APOOL: variants seen among roughly 807,000 people sequenced by gnomAD.
The protein encoded by APOOL is MICOS complex subunit MIC27.
A neutral mutation model predicts 23.1 loss-of-function variants in APOOL; 12 were observed. The observed-to-expected ratio is 0.52, with a 90% CI of 0.33 to 0.84. The LOEUF is 0.84. Among genes scored for constraint, APOOL ranks in the 40% least tolerant of loss-of-function variants. APOOL has a pLI of 0.02. For synonymous variants in APOOL, 77 were observed against 69.9 expected (o/e 1.10, Z -0.51); for missense variants, 212 against 199.6 (o/e 1.06, Z -0.37).
chrX:85,066,083 C>T (rs936857538), intron 5 of APOOL, among the ~76,000 whole-genome samples: 1 of 111,104 alleles, frequency 9.0e-6, no homozygotes. Flanking sequence ...TGCAAATTTG[C>T]CTGCAAACAT....
intron 5 of APOOL, among the ~76,000 whole-genome samples, chrX:85,060,192 A>G (rs1321131597): frequency 1.9e-5 from 2 of 105,160 alleles, no homozygotes; most frequent in Admixed American, 2.1e-4. Flanking sequence ...AGTTGTAGAT[A>G]TGTGGCATTA....
At chrX:85,043,279 C>T (rs1390168412) in intron 1 of APOOL, among the ~76,000 whole-genome samples, 2 of 111,337 alleles carry the variant, frequency 1.8e-5, no homozygotes, top group Non-Finnish European at 3.8e-5. Context: ...CGTGAAAACT[C>T]GATTATCTCT....
At chrX:85,016,600 T>C in intron 1 of APOOL, among the ~76,000 whole-genome samples, 1 of 111,268 alleles carries the variant, frequency 9.0e-6, no homozygotes, top group Non-Finnish European at 1.9e-5. Context: ...CAAGCCTGTC[T>C]ATACATTCCT....
intron 1 of APOOL, among the ~76,000 whole-genome samples, chrX:85,023,168 A>G (rs1256151735): frequency 8.9e-6 from 1 of 112,167 alleles, no homozygotes; most frequent in Non-Finnish European, 1.9e-5. Context: ...CATGATCTTT[A>G]TATACAGAAA....
At chrX:85,055,414 A>C (rs931099136) in intron 4 of APOOL, among the ~76,000 whole-genome samples, 13 of 110,675 alleles carry the variant, frequency 1.2e-4, no homozygotes, top group Middle Eastern at 4.6e-3. Context: ...ATTATTCAAA[A>C]CTCCTTAATA....
At chrX:85,022,357 A>AC (rs1921696211) in intron 1 of APOOL, among the ~76,000 whole-genome samples, 1 of 112,140 alleles carries the variant, frequency 8.9e-6, no homozygotes, top group African/African-American at 3.2e-5. Flanking sequence ...AGTAAACTGA[A>AC]CTCAACAGCA....
chrX:85,022,996 G>A (rs904319277), intron 1 of APOOL, among the ~76,000 whole-genome samples: 1 of 111,505 alleles, frequency 9.0e-6, no homozygotes. Flanking sequence ...GTTACAAAGA[G>A]CCTGGCACCT....
At chrX:85,066,994 G>T (rs765022113) in intron 5 of APOOL, 133 bp from the exon 6 acceptor site, 2 of 405,621 alleles carry the variant, frequency 4.9e-6, no homozygotes, top group Non-Finnish European at 8.7e-6. Flanking sequence ...ATCTTGATTG[G>T]TATAATTACC....
intron 2 of APOOL, among the ~76,000 whole-genome samples, chrX:85,048,489 A>C (rs1346128664): frequency 1.8e-5 from 2 of 111,989 alleles, no homozygotes; most frequent in Non-Finnish European, 3.8e-5. Flanking sequence ...CCCCAAGTAC[A>C]TTTTAAATAT....
chrX:85,031,532 ATGTCTT>A (rs1922038674), intron 1 of APOOL, among the ~76,000 whole-genome samples: 1 of 111,762 alleles, frequency 8.9e-6, no homozygotes, highest in Non-Finnish European at 1.9e-5. Flanking sequence ...ATTCAGAGAG[ATGTCTT>A]TGAGTGAACT....
chrX:85,044,270 G>GTGTATA (rs576516932), intron 1 of APOOL, among the ~76,000 whole-genome samples: 4 of 107,392 alleles, frequency 3.7e-5, no homozygotes, highest in East Asian at 6.0e-4. Context: ...GTGTGTGTGT[G>GTGTATA]TATATATATA....
intron 8 of APOOL, among the ~76,000 whole-genome samples, chrX:85,078,147 G>T (rs1214738554): frequency 5.4e-5 from 6 of 111,792 alleles, no homozygotes; most frequent in Non-Finnish European, 9.4e-5. Flanking sequence ...TGGTGTTTTA[G>T]TCATGAAGTC....
At chrX:85,026,386 G>C (rs1921845099) in intron 1 of APOOL, among the ~76,000 whole-genome samples, 1 of 113,029 alleles carries the variant, frequency 8.8e-6, no homozygotes, top group Admixed American at 9.3e-5. Flanking sequence ...TACCTTCAAG[G>C]CCTTTTCCCC....
intron 1 of APOOL, among the ~76,000 whole-genome samples, chrX:85,035,157 G>A (rs1922174498): frequency 1.8e-5 from 2 of 111,182 alleles, no homozygotes; most frequent in Admixed American, 1.9e-4. Context: ...CATTCTGACT[G>A]GTGTGAGATG....
intron 1 of APOOL, among the ~76,000 whole-genome samples, chrX:85,041,276 G>C (rs947917402): frequency 8.9e-6 from 1 of 111,902 alleles, no homozygotes; most frequent in South Asian, 3.7e-4. Flanking sequence ...GGCTGCTGCA[G>C]TGTGCTGGAG....
At chrX:85,032,798 CACTT>C (rs1922085404) in intron 1 of APOOL, among the ~76,000 whole-genome samples, 1 of 111,732 alleles carries the variant, frequency 8.9e-6, no homozygotes, top group Non-Finnish European at 1.9e-5. Flanking sequence ...CTGATCTAGA[CACTT>C]ATTTGTTGTA....
intron 1 of APOOL, among the ~76,000 whole-genome samples, chrX:85,024,619 T>C (rs1357960008): frequency 3.5e-5 from 4 of 112,692 alleles, no homozygotes; most frequent in Non-Finnish European, 7.5e-5. Flanking sequence ...ATACCACTTT[T>C]GCACCATAAA....
At chrX:85,078,725 A>T (rs996851768) in intron 8 of APOOL, among the ~76,000 whole-genome samples, 9 of 111,614 alleles carry the variant, frequency 8.1e-5, no homozygotes, top group Non-Finnish European at 1.1e-4. Flanking sequence ...ATCCATGATC[A>T]TGGACTGTTC....
chrX:85,049,104 TTTAG>T (rs1166225202), intron 2 of APOOL, among the ~76,000 whole-genome samples: 1 of 111,658 alleles, frequency 9.0e-6, no homozygotes, highest in Non-Finnish European at 1.9e-5. Context: ...ATTTGAGAGT[TTTAG>T]TTACTTTGGT....
Sources: allele counts gnomAD v4.1 joint callset (sites outside exome capture counted in the v4.1 genomes callset), GRCh38; gene constraint gnomAD v4.1.1; transcripts MANE v1.5; gene names NCBI Gene and HGNC (gene_info 2026-07-23, HGNC 2026-07-21).